Variants in UFSP2 observed in about 807,000 individuals in gnomAD.
UFSP2 encodes the protein ufm1-specific protease 2.
UFSP2 carries 43 observed loss-of-function variants against 60.2 expected under a neutral mutation model. That is an observed-to-expected ratio of 0.71 (90% CI 0.56 to 0.92). UFSP2 has a LOEUF of 0.92. Ranked by LOEUF, UFSP2 falls within the 40% of genes least tolerant of loss-of-function variation. The probability of loss-of-function intolerance (pLI) is 0.00; values close to 1 mark genes in which losing one functional copy is unlikely to be tolerated. For missense variants in UFSP2, 520 were observed against 575.0 expected, an observed-to-expected ratio of 0.90 and a Z score of 0.98; for synonymous variants, 183 against 195.1, an observed-to-expected ratio of 0.94 and a Z score of 0.52.
At chr4:185,425,428 T>A (rs972239678) in intron 1 of UFSP2, among the ~76,000 whole-genome samples, 2 of 152,006 alleles carry the variant, frequency 1.3e-5, no homozygotes, top group African/African-American at 2.4e-5. Context: ...GTGTAAAGCG[T>A]CCCTGAAGAG....
In UFSP2 at chr4:185,404,166, C is replaced by A. The variant is rs181835053; in HGVS notation, c.1199-548G>T. Among the ~76,000 whole-genome samples, 9 of 151,996 alleles carry A rather than the reference C, an allele frequency of 5.9e-5. No individual in the cohort carries two copies. In the East Asian group the frequency reaches 1.7e-3, roughly 29 times the overall value. On this transcript the variant is annotated intron_variant, in intron 10 of 11. Transcript: ENST00000264689. ...TTCTACATTCACATCCATATAATTA[C>A]CTAAAATGGATTTAGAAAGGGCCAT...
chr4:185,401,632 CTCCTGGGT>C (rs2095513388), intron 11 of UFSP2, among the ~76,000 whole-genome samples: 1 of 152,188 alleles, frequency 6.6e-6, no homozygotes, highest in Non-Finnish European at 1.5e-5. Flanking sequence ...CTCCTCTGGC[CTCCTGGGT>C]TCCTGGAGTC....
In UFSP2 at chr4:185,415,313, G is replaced by A; in HGVS notation, c.526C>T (p.Gln176Ter). 1 of 1,596,040 alleles carries A rather than the reference G, an allele frequency of 6.3e-7. No homozygotes were observed. Among genetic ancestry groups the A allele is most frequent in the Non-Finnish European group, 8.5e-7 (1 of 1,175,972 alleles). Residue 176 changes from glutamine (Q) to a stop codon, truncating the protein, a stop_gained, in exon 6 of 12, where the codon CAA becomes TAA. Transcript: ENST00000264689. LOFTEE classifies it high-confidence loss of function. ...ATACATTTTTCCATGTCAGTTAGTTGATTATGAATTGCATCAACCAGGAGT... is the reference window on the plus strand; with the variant it reads ...ATACATTTTTCCATGTCAGTTAGTTAATTATGAATTGCATCAACCAGGAGT... ...RKLLVDAIHN[Q>*]LTDMEKCILK...
intron 7 of UFSP2, among the ~76,000 whole-genome samples, chr4:185,408,923 TTA>T (rs1293346333): frequency 6.6e-6 from 1 of 151,988 alleles, no homozygotes; most frequent in Non-Finnish European, 1.5e-5. Context: ...TCTGTCCTCT[TTA>T]TGTTTTTATT....
In UFSP2 at chr4:185,399,725, A is replaced by G. The variant is rs564997967; in HGVS notation, c.*667T>C. 6.2e-7 allele frequency: 1 copy of G among 1,614,160 alleles called. No homozygotes were observed. The highest frequency in any genetic ancestry group is 2.2e-5 in the East Asian group (1 of 44,878). The stretch of plus-strand genomic sequence containing the variant: ...GATTGTGTTGCCGTGCTCAGACAGA[A>G]ACGGAGTCTCGGAAGTGTAGAAAAT... On this transcript the variant is annotated 3_prime_UTR_variant, in exon 12 of 12. Coordinates refer to ENST00000264689, the MANE Select transcript of UFSP2 (RefSeq NM_018359.5).
In UFSP2 at chr4:185,421,718, A is replaced by G. The variant is rs556009934; in HGVS notation, c.82+767T>C. Reference sequence around the variant, plus strand: ...CAGGTATTCCTTTAGAAAGATGCAAAACAGACTAATACAGTACTTTTAATT... The same window carrying G: ...CAGGTATTCCTTTAGAAAGATGCAAGACAGACTAATACAGTACTTTTAATT... On this transcript the variant is annotated intron_variant, in intron 2 of 11. Coordinates refer to ENST00000264689, the MANE Select transcript of UFSP2 (RefSeq NM_018359.5). Among the ~76,000 whole-genome samples, 38 of 152,302 alleles carry G rather than the reference A, an allele frequency of 2.5e-4. 1 individual carries two copies. The South Asian group carries it at 3.7e-3, about 15-fold the overall frequency.
rs557620263 is a variant in UFSP2, at chr4:185,399,813, G to C, written c.*579C>G. 8.0e-5 allele frequency: 129 copies of C among 1,611,548 alleles called. No individual in the cohort carries two copies. The South Asian group carries it at 1.3e-3, about 17-fold the overall frequency. ...GCTGCTGCTTTTTTCCTCCCGCAGT[G>C]ATCTCTTGTTTGCATAGCATTTATT... On this transcript the variant is annotated 3_prime_UTR_variant, in exon 12 of 12. Coordinates refer to ENST00000264689, the MANE Select transcript of UFSP2 (RefSeq NM_018359.5).
chr4:185,411,914 C>T (rs945523956), intron 7 of UFSP2, among the ~76,000 whole-genome samples: 1 of 152,116 alleles, frequency 6.6e-6, no homozygotes, highest in Admixed American at 6.5e-5. Context: ...CTATGCAATA[C>T]TAAAAGCGAC....
chr4:185,418,860 A>G, intron 2 of UFSP2, 90 bp from the exon 3 acceptor site: 1 of 993,440 alleles, frequency 1.0e-6, no homozygotes, highest in Non-Finnish European at 1.4e-6. Context: ...AGCATAGTAA[A>G]ACTCTCAATA....
chr4:185,413,707 A>T lies in UFSP2; in HGVS notation c.831+19T>A. 6.3e-7 allele frequency: 1 copy of T among 1,595,850 alleles called. No individual in the cohort carries two copies. The highest frequency in any genetic ancestry group is 8.5e-7 in the Non-Finnish European group (1 of 1,173,948). ...CATTACTGATCCAGTGACTCCCATA[A>T]ATAATTAGTTAAACTCACCATACCA... On this transcript the variant is annotated intron_variant, in intron 7 of 11. Coordinates refer to ENST00000264689, the MANE Select transcript of UFSP2 (RefSeq NM_018359.5).
At chr4:185,416,088 G>A in intron 4 of UFSP2, 1 of 363,420 alleles carries the variant, frequency 2.8e-6, no homozygotes, top group East Asian at 4.2e-5. Flanking sequence ...AGACCAGCCA[G>A]TAGAAGGACT....
In UFSP2 at chr4:185,425,740, C is replaced by A. The variant is rs2095558749; in HGVS notation, c.3+126G>T. The A allele has an allele frequency of 5.5e-5, 78 of 1,412,838 alleles. No individual in the cohort carries two copies. In the South Asian group the frequency reaches 9.7e-4, roughly 18 times the overall value. 87.5% of individuals were successfully genotyped at this position (1,412,838 alleles called of 1,614,324 possible). ...GAACTGGAGAGCCGCCCTGCCCACG[C>A]AGCTCGCAGCTGCCATCTTGGACCC... On this transcript the variant is annotated intron_variant, in intron 1 of 11. Transcript: ENST00000264689.
chr4:185,399,594 A>G lies in UFSP2; in HGVS notation c.*798T>C, dbSNP rs1286673731. 1 of 1,614,132 alleles carries G rather than the reference A, an allele frequency of 6.2e-7. No homozygotes were observed. Among genetic ancestry groups the G allele is most frequent in the Non-Finnish European group, 8.5e-7 (1 of 1,180,040 alleles). On this transcript the variant is annotated 3_prime_UTR_variant, in exon 12 of 12. Coordinates refer to ENST00000264689, the MANE Select transcript of UFSP2 (RefSeq NM_018359.5). ...GTTTATGTAATAAGAACGGGCAAACAGCTGAAGATCTCGCTTGGTCATGTG... is the reference window on the plus strand; with the variant it reads ...GTTTATGTAATAAGAACGGGCAAACGGCTGAAGATCTCGCTTGGTCATGTG...
chr4:185,406,381 A>C (rs1048787035), intron 9 of UFSP2, among the ~76,000 whole-genome samples: 1 of 152,190 alleles, frequency 6.6e-6, no homozygotes, highest in African/African-American at 2.4e-5. Context: ...GCAACATACT[A>C]TTTTTAGGGA....
intron 11 of UFSP2, among the ~76,000 whole-genome samples, chr4:185,401,401 T>C (rs1314885379): frequency 6.6e-6 from 1 of 152,250 alleles, no homozygotes; most frequent in Non-Finnish European, 1.5e-5. Flanking sequence ...AAAAGGCTCA[T>C]TCTGTTTTAA....
At chr4:185,422,234 C>G (rs1219563106) in intron 2 of UFSP2, among the ~76,000 whole-genome samples, 2 of 152,324 alleles carry the variant, frequency 1.3e-5, no homozygotes, top group East Asian at 3.9e-4. Flanking sequence ...TTTATTGTAA[C>G]AATTAATGAA....
intron 7 of UFSP2, 61 bp downstream of exon 7, chr4:185,413,665 C>T: frequency 6.7e-7 from 1 of 1,502,702 alleles, no homozygotes. Context: ...TGGGTACCAA[C>T]AAAAAACAAC....
intron 11 of UFSP2, among the ~76,000 whole-genome samples, chr4:185,403,246 A>T (rs2095515342): frequency 6.6e-6 from 1 of 152,204 alleles, no homozygotes; most frequent in African/African-American, 2.4e-5. Flanking sequence ...TATATTTATG[A>T]GTGTGTGTCC....
intron 4 of UFSP2, 96 bp downstream of exon 4, chr4:185,418,343 CTA>C: frequency 1.1e-6 from 1 of 908,500 alleles, no homozygotes; most frequent in South Asian, 1.8e-5. Flanking sequence ...ATATTCTGAC[CTA>C]TGATAAGAGG....
Sources: gnomAD v4.1 joint callset for allele counts (sites outside exome capture counted in the v4.1 genomes callset) on GRCh38, gnomAD v4.1.1 for gene constraint, MANE v1.5 for transcripts, NCBI Gene and HGNC (gene_info 2026-07-23, HGNC 2026-07-21) for gene names.